ADAP1: variants seen among roughly 807,000 people sequenced by gnomAD.
ADAP1 encodes the protein ArfGAP with dual PH domains 1.
ADAP1 carries 31 observed loss-of-function variants against 54.9 expected under a neutral mutation model. The observed-to-expected ratio is 0.56, with a 90% CI of 0.42 to 0.76. The LOEUF (loss-of-function observed/expected upper bound fraction) is 0.76, where lower values mean the gene tolerates loss of function less well. ADAP1 is among the 30% of genes least tolerant of loss of function. The probability of loss-of-function intolerance (pLI) is 0.00; values close to 1 mark genes in which losing one functional copy is unlikely to be tolerated. For missense variants in ADAP1, 535 were observed against 512.4 expected (o/e 1.04, Z -0.42); for synonymous variants, 313 against 202.6 (o/e 1.55, Z -4.63).
intron 3 of ADAP1, among the ~76,000 whole-genome samples, chr7:925,669 C>T (rs1006685529): frequency 2.0e-5 from 3 of 152,254 alleles, no homozygotes; most frequent in South Asian, 2.1e-4. Context: ...TCTCAGCCCC[C>T]GAGTCAGGGC....
At chr7:905,761 G>GGAGAAAGGGAAA (rs1845218078) in intron 4 of ADAP1, 1 of 5,310 alleles carries the variant, frequency 1.9e-4, no homozygotes, top group Non-Finnish European at 3.5e-4. Context: ...GAAGGGAGAA[G>GGAGAAAGGGAAA]GGAGAAAGGA....
chr7:954,705 G>T (rs1482211737), upstream of ADAP1: 6 of 981,504 alleles, frequency 6.1e-6, no homozygotes, highest in Admixed American at 3.8e-4. Context: ...CGGGGCGCAC[G>T]CTGCGCTCTG....
In ADAP1 at chr7:926,934, G is replaced by A. The variant is rs1366851540; in HGVS notation, c.214-290C>T. The A allele has an allele frequency of 9.7e-6, 12 of 1,240,046 alleles. No homozygotes were observed. The highest frequency in any genetic ancestry group is 3.1e-5 in the African/African-American group (2 of 63,944). The allele number at this position is 1,240,046 out of a possible 1,614,324, so 76.8% of individuals were successfully genotyped here. A position where few individuals can be genotyped will look rare whatever the true frequency, so the allele number is the denominator to read the frequency against. ...GGATGGGTCTGAGGTTTGCCCCACC[G>A]TTTCAACCCCCAAGTCCACCCACAC... On this transcript the variant is annotated intron_variant, in intron 2 of 10. Coordinates refer to ENST00000265846, the MANE Select transcript of ADAP1 (RefSeq NM_006869.4). This position sits in a 1 kb window ranked among gnomAD's most constrained non-coding sequence, Gnocchi z 4.6.
At chr7:905,723 G>GGA (rs1845207715) in intron 4 of ADAP1, 3 of 7,096 alleles carry the variant, frequency 4.2e-4, no homozygotes, top group African/African-American at 1.3e-3. Context: ...AAGGAGAAAG[G>GGA]GAAAGGAGAA....
At position 920,481 on chromosome 7, in the gene ADAP1, G is replaced by A. The variant is rs952497886; in HGVS notation, c.306-431C>T. ...TGGACCGGATCTGGGAAGTGGCCGC[G>A]GCGCCGCCCTCCACCCACCGTGCTG... On this transcript the variant is annotated intron_variant, in intron 3 of 10. Coordinates refer to ENST00000265846, the MANE Select transcript of ADAP1 (RefSeq NM_006869.4). The surrounding 1 kb of genome is among the most constrained non-coding windows in gnomAD (Gnocchi z 4.5). Among the ~76,000 whole-genome samples the A allele has an allele frequency of 6.7e-5, 10 of 149,000 alleles. No individual in the cohort carries two copies. In the South Asian group the frequency reaches 8.8e-4, roughly 13 times the overall value.
intron 4 of ADAP1, among the ~76,000 whole-genome samples, chr7:912,186 G>A (rs1012291274): frequency 6.6e-6 from 1 of 152,170 alleles, no homozygotes. Flanking sequence ...GAACCACAGG[G>A]GAACCACAGA....
upstream of ADAP1, among the ~76,000 whole-genome samples, chr7:955,044 C>T (rs1316323936): frequency 2.0e-5 from 3 of 152,178 alleles, no homozygotes; most frequent in Admixed American, 6.5e-5. Context: ...TCCTGTGCTA[C>T]GGACCAGGAC....
At chr7:951,229 C>T (rs1020983018) in intron 1 of ADAP1, among the ~76,000 whole-genome samples, 1 of 151,948 alleles carries the variant, frequency 6.6e-6, no homozygotes, top group Non-Finnish European at 1.5e-5. Flanking sequence ...AAAAATTAGC[C>T]GGGCGTGGTG....
At chr7:936,519 G>A (rs1399113304) in intron 1 of ADAP1, among the ~76,000 whole-genome samples, 2 of 152,230 alleles carry the variant, frequency 1.3e-5, no homozygotes, top group South Asian at 2.1e-4. Flanking sequence ...TCTTTCTGCT[G>A]CTGCACGTGT....
At chr7:906,878 T>TGC (rs1379886308) in intron 4 of ADAP1, among the ~76,000 whole-genome samples, 1 of 133,948 alleles carries the variant, frequency 7.5e-6, no homozygotes, top group African/African-American at 2.8e-5. Context: ...CGCTGTTGGC[T>TGC]GCAACCCTGG....
At chr7:916,629 C>T (rs960042840) in intron 4 of ADAP1, among the ~76,000 whole-genome samples, 1 of 152,168 alleles carries the variant, frequency 6.6e-6, no homozygotes, top group Non-Finnish European at 1.5e-5. Flanking sequence ...CCCGCGTGTT[C>T]ATCCCCTGAC....
chr7:933,815 G>C (rs566236800), intron 2 of ADAP1, among the ~76,000 whole-genome samples: 8 of 35,820 alleles, frequency 2.2e-4, no homozygotes, highest in Admixed American at 2.8e-4. Context: ...GTCAGTGGTG[G>C]TGCAGAGCCG....
At chr7:899,563 C>T in intron 8 of ADAP1, 73 bp from the exon 9 acceptor site, 1 of 1,524,996 alleles carries the variant, frequency 6.6e-7, no homozygotes, top group Non-Finnish European at 8.9e-7. Flanking sequence ...CACAGCACAC[C>T]CCGGAGGGCA....
intron 1 of ADAP1, 38 bp downstream of exon 1, chr7:954,347 CGCCCACCCCGG>C: frequency 2.0e-6 from 2 of 1,010,828 alleles, no homozygotes; most frequent in Non-Finnish European, 2.4e-6. Context: ...CGGCACCCCG[CGCCCACCCCGG>C]ACCCACCCGG....
intron 4 of ADAP1, among the ~76,000 whole-genome samples, chr7:909,368 CG>C (rs1845625687): frequency 8.8e-6 from 1 of 114,196 alleles, no homozygotes; most frequent in African/African-American, 3.9e-5. Flanking sequence ...CCGGTCCTCC[CG>C]ACAGCAGGCG....
In ADAP1 at chr7:920,374, G is replaced by T. The variant is rs922432873; in HGVS notation, c.306-324C>A. 6.6e-6 allele frequency among the ~76,000 whole-genome samples: 1 copy of T among 152,090 alleles called. No individual in the cohort carries two copies. Among genetic ancestry groups the T allele is most frequent in the African/African-American group, 2.4e-5 (1 of 41,408 alleles). ...CCTTGGCCTCAGCTGATGCCCCACA[G>T]GGCTGGGGTACAGGGGTTGAGCCAG... On this transcript the variant is annotated intron_variant, in intron 3 of 10. Transcript: ENST00000265846. This position sits in a 1 kb window ranked among gnomAD's most constrained non-coding sequence, Gnocchi z 4.5.
At chr7:901,639 A>G (rs929673909) in intron 6 of ADAP1, among the ~76,000 whole-genome samples, 1 of 37,556 alleles carries the variant, frequency 2.7e-5, no homozygotes, top group Non-Finnish European at 5.4e-5. Context: ...GCAAAGCCCC[A>G]CCCACCCCGA....
intron 1 of ADAP1, among the ~76,000 whole-genome samples, chr7:951,306 G>C (rs954648040): frequency 2.6e-5 from 4 of 151,708 alleles, no homozygotes; most frequent in Non-Finnish European, 5.9e-5. Context: ...CTGGGAGGGG[G>C]AGCTTGCAGT....
chr7:911,565 G>A (rs549078901), intron 4 of ADAP1, among the ~76,000 whole-genome samples: 6 of 148,188 alleles, frequency 4.0e-5, no homozygotes, highest in African/African-American at 1.5e-4. Context: ...GGGCCAGGAA[G>A]GGGGCGGGGG....
Sources: allele counts gnomAD v4.1 joint callset (sites outside exome capture counted in the v4.1 genomes callset), GRCh38; gene constraint gnomAD v4.1.1; non-coding constraint Gnocchi (gnomAD v3.1); transcripts MANE v1.5; gene names NCBI Gene and HGNC (gene_info 2026-07-23, HGNC 2026-07-21).